The following HNF1B variants were observed in gnomAD, a reference collection of about 807,000 sequenced individuals.
HNF1B encodes HNF1 homeobox B, also known as hepatocyte nuclear factor 1-beta.
A neutral mutation model predicts 61.7 loss-of-function variants in HNF1B; 8 were observed. The ratio of observed to expected loss-of-function variants is 0.13; its 90% CI spans 0.08 to 0.23. The LOEUF is 0.23. Ranked by LOEUF, HNF1B falls within the 10% of genes least tolerant of loss-of-function variation. The pLI, the probability that HNF1B is intolerant of heterozygous loss-of-function variation, is 1.00. For synonymous variants in HNF1B, 314 were observed against 287.7 expected (o/e 1.09, Z -0.93); for missense variants, 562 against 714.5 (o/e 0.79, Z 2.43).
intron 8 of HNF1B, among the ~76,000 whole-genome samples, chr17:37,695,522 T>G (rs2032355854): frequency 6.6e-6 from 1 of 152,172 alleles, no homozygotes; most frequent in South Asian, 2.1e-4. Flanking sequence ...AATGGAGCTG[T>G]GGGAATGGGC....
At chr17:37,702,821 CA>C (rs1161735536) in intron 6 of HNF1B, among the ~76,000 whole-genome samples, 1 of 152,190 alleles carries the variant, frequency 6.6e-6, no homozygotes, top group Non-Finnish European at 1.5e-5. Context: ...ATCTTATTTT[CA>C]ATGCAGTCTG....
chr17:37,703,189 C>A (rs913723500), intron 6 of HNF1B, among the ~76,000 whole-genome samples: 13 of 152,188 alleles, frequency 8.5e-5, no homozygotes, highest in African/African-American at 3.1e-4. Context: ...TCTCAGCAGT[C>A]TTCTGGTGAT....
At chr17:37,698,938 G>T (rs2032472546) in intron 8 of HNF1B, 138 bp downstream of exon 8, 3 of 758,066 alleles carry the variant, frequency 4.0e-6, no homozygotes, top group Non-Finnish European at 4.8e-6. Context: ...GGACCTTAAG[G>T]ATTCCCTTTG....
Position 37,686,874 on chromosome 17 carries a change from A to G in HNF1B, c.*498T>C. On this transcript the variant is annotated 3_prime_UTR_variant, in exon 9 of 9. Transcript: ENST00000617811. Reference sequence around the variant, plus strand: ...AAATTGCACTTAATTACAGTAGTTTATAGTTTACAGCCATTGGACAAATTT... The same window carrying G: ...AAATTGCACTTAATTACAGTAGTTTGTAGTTTACAGCCATTGGACAAATTT... 3.4e-6 allele frequency: 1 copy of G among 295,668 alleles called. No homozygotes were observed. Among genetic ancestry groups the G allele is most frequent in the East Asian group, 8.2e-5 (1 of 12,164 alleles). 18.3% of individuals were successfully genotyped at this position (295,668 alleles called of 1,614,324 possible).
intron 6 of HNF1B, among the ~76,000 whole-genome samples, 190 bp from the exon 7 acceptor site, chr17:37,701,367 T>A (rs2032566059): frequency 6.6e-6 from 1 of 152,320 alleles, no homozygotes; most frequent in South Asian, 2.1e-4. Flanking sequence ...AGTTCCACAA[T>A]GAGTTGTGGG....
In HNF1B at chr17:37,733,817, G is replaced by A; in HGVS notation, c.549C>T (p.Phe183=). 1 of 1,614,154 alleles carries A rather than the reference G, an allele frequency of 6.2e-7. No individual in the cohort carries two copies. Among genetic ancestry groups the A allele is most frequent in the Non-Finnish European group, 8.5e-7 (1 of 1,180,022 alleles). The change falls in exon 3 of 9, where the codon TTC becomes TTT. Residue 183 remains phenylalanine, a synonymous_variant. Transcript: ENST00000617811. ...VRKQREILRQ[F]NQTVQSSGNM... ...TTCCAGAACTCTGGACTGTCTGGTTGAATTCTGAAAAGAGAAAGGAGTAGA... is the reference window on the plus strand; with the variant it reads ...TTCCAGAACTCTGGACTGTCTGGTTAAATTCTGAAAAGAGAAAGGAGTAGA...
intron 4 of HNF1B, among the ~76,000 whole-genome samples, chr17:37,713,788 G>A (rs2147483332): frequency 6.6e-6 from 1 of 152,332 alleles, no homozygotes; most frequent in South Asian, 2.1e-4. Flanking sequence ...AGATCCACCT[G>A]CAGGTGTTCC....
At chr17:37,710,415 T>C in intron 5 of HNF1B, 88 bp downstream of exon 5, 1 of 1,509,310 alleles carries the variant, frequency 6.6e-7, no homozygotes, top group South Asian at 1.1e-5. Context: ...CAATGGTTCA[T>C]TGTTTGAGGC....
intron 4 of HNF1B, among the ~76,000 whole-genome samples, chr17:37,713,832 A>G (rs1003322182): frequency 6.6e-6 from 1 of 152,202 alleles, no homozygotes; most frequent in Non-Finnish European, 1.5e-5. Flanking sequence ...TGTGGCAATC[A>G]CTGGCCCCTG....
At chr17:37,696,671 G>A (rs962248505) in intron 8 of HNF1B, among the ~76,000 whole-genome samples, 2 of 152,168 alleles carry the variant, frequency 1.3e-5, no homozygotes, top group Admixed American at 1.3e-4. Context: ...TCTTTATAGC[G>A]AAGCAAACAG....
At position 37,733,878 on chromosome 17, in the gene HNF1B, A is replaced by T. The variant is rs1221730425; in HGVS notation, c.545-57T>A. 3.0e-5 allele frequency: 46 copies of T among 1,514,692 alleles called. No homozygotes were observed. In the African/African-American group the frequency reaches 5.4e-4, roughly 18 times the overall value. 93.8% of individuals were successfully genotyped at this position (1,514,692 alleles called of 1,614,324 possible). The stretch of plus-strand genomic sequence containing the variant: ...TCTGTAGCCTTCACTCAGCAGACAG[A>T]CAGACAGACAGACAGACAACGGACG... On this transcript the variant is annotated intron_variant, in intron 2 of 8. Coordinates refer to ENST00000617811, the MANE Select transcript of HNF1B (RefSeq NM_000458.4).
intron 2 of HNF1B, among the ~76,000 whole-genome samples, chr17:37,735,773 T>C (rs2033815424): frequency 6.6e-6 from 1 of 152,174 alleles, no homozygotes; most frequent in Non-Finnish European, 1.5e-5. Context: ...CTTTTTCTTT[T>C]TTTCAAACAA....
chr17:37,687,401 AGAGAG>A lies in HNF1B; in HGVS notation c.1654-14_1654-10del, dbSNP rs759791461. 4 of 1,599,646 alleles carry A rather than the reference AGAGAG, an allele frequency of 2.5e-6. No individual in the cohort carries two copies. In the Admixed American group the frequency reaches 6.7e-5, roughly 27 times the overall value. ...CAGGCTTGTAGAGGACACTGCAGAG[AGAGAG>A]GAGAGAGGGTGCTCAGCTGTGTCAT... On this transcript the variant is annotated splice_polypyrimidine_tract_variant and intron_variant, in intron 8 of 8. Transcript: ENST00000617811.
intron 1 of HNF1B, among the ~76,000 whole-genome samples, chr17:37,743,166 G>A (rs2034051941): frequency 6.6e-6 from 1 of 152,144 alleles, no homozygotes; most frequent in African/African-American, 2.4e-5. Context: ...CGAGTGGGAG[G>A]GCCTAGGCCC....
chr17:37,706,599 C>G (rs2032756770), intron 5 of HNF1B, among the ~76,000 whole-genome samples: 1 of 150,008 alleles, frequency 6.7e-6, no homozygotes, highest in Non-Finnish European at 1.5e-5. Flanking sequence ...GTCACATGAC[C>G]AAGAAGGAAT....
chr17:37,737,598 C>T (rs896191654), intron 2 of HNF1B, among the ~76,000 whole-genome samples: 7 of 151,560 alleles, frequency 4.6e-5, no homozygotes, highest in Middle Eastern at 3.4e-3. Context: ...GAGGCTGAGG[C>T]GGCGGATCAC....
At chr17:37,741,889 C>A (rs2034001746) in intron 1 of HNF1B, among the ~76,000 whole-genome samples, 1 of 152,142 alleles carries the variant, frequency 6.6e-6, no homozygotes, top group Admixed American at 6.5e-5. Flanking sequence ...CTTTTAAGTC[C>A]GACTTAAAAG....
intron 4 of HNF1B, among the ~76,000 whole-genome samples, chr17:37,712,987 A>C (rs1411340177): frequency 6.6e-6 from 1 of 152,202 alleles, no homozygotes; most frequent in Non-Finnish European, 1.5e-5. Context: ...TTTCCAAAGA[A>C]TCCTACCCTG....
chr17:37,738,897 A>G (rs1296992928), intron 2 of HNF1B, among the ~76,000 whole-genome samples: 1 of 152,200 alleles, frequency 6.6e-6, no homozygotes, highest in Non-Finnish European at 1.5e-5. Context: ...GTGGGTAAAC[A>G]CCTTAAATTG....
Sources: gnomAD v4.1 joint callset for allele counts (sites outside exome capture counted in the v4.1 genomes callset) on GRCh38, gnomAD v4.1.1 for gene constraint, MANE v1.5 for transcripts, NCBI Gene and HGNC (gene_info 2026-07-23, HGNC 2026-07-21) for gene names.